The following SH3RF1 variants were observed in gnomAD, a reference collection of about 807,000 sequenced individuals.
The protein encoded by SH3RF1 is E3 ubiquitin-protein ligase SH3RF1.
SH3RF1 carries 32 observed loss-of-function variants against 74.0 expected under a neutral mutation model. That is an observed-to-expected ratio of 0.43 (90% CI 0.33 to 0.58). The LOEUF is 0.58. Ranked by LOEUF, SH3RF1 falls within the 20% of genes least tolerant of loss-of-function variation. SH3RF1 has a pLI of 0.05. For synonymous variants in SH3RF1, 396 were observed against 439.6 expected (o/e 0.90, Z 1.24); for missense variants, 954 against 1,130.9 (o/e 0.84, Z 2.24).
rs1241174314 is a variant in SH3RF1, at chr4:169,136,642, C to G, written c.766-22G>C. The G allele has an allele frequency of 3.4e-6, 5 of 1,479,418 alleles. No individual in the cohort carries two copies. In the East Asian group the frequency reaches 1.2e-4, roughly 36 times the overall value. 91.6% of individuals were successfully genotyped at this position (1,479,418 alleles called of 1,614,324 possible). A position where few individuals can be genotyped will look rare whatever the true frequency, so the allele number is the denominator to read the frequency against. On this transcript the variant is annotated intron_variant, in intron 4 of 11. Transcript: ENST00000284637. ...TAAACTGCAAAAGCAACCAACAAAC[C>G]AACACAAGAAGGTTAAACAATTCCT...
At chr4:169,225,601 T>G (rs1730644521) in intron 2 of SH3RF1, among the ~76,000 whole-genome samples, 1 of 152,156 alleles carries the variant, frequency 6.6e-6, no homozygotes, top group African/African-American at 2.4e-5. Context: ...CTGTCAAGAC[T>G]GCAGTTTCAT....
At chr4:169,164,157 C>T (rs1734193956) in intron 2 of SH3RF1, among the ~76,000 whole-genome samples, 1 of 152,140 alleles carries the variant, frequency 6.6e-6, no homozygotes, top group Admixed American at 6.5e-5. Context: ...CAGTTTATAA[C>T]CTATTTCTTC....
chr4:169,207,730 T>C (rs1278927537), intron 2 of SH3RF1, among the ~76,000 whole-genome samples: 1 of 152,214 alleles, frequency 6.6e-6, no homozygotes, highest in Non-Finnish European at 1.5e-5. Flanking sequence ...TCCCAGTCAA[T>C]CTACATCTAC....
At chr4:169,148,831 A>G (rs1733932595) in intron 4 of SH3RF1, among the ~76,000 whole-genome samples, 1 of 152,228 alleles carries the variant, frequency 6.6e-6, no homozygotes, top group Non-Finnish European at 1.5e-5. Flanking sequence ...TGAGCTTTCT[A>G]TACAGACAAA....
At position 169,127,079 on chromosome 4, in the gene SH3RF1, C is replaced by T. The variant is rs188881231; in HGVS notation, c.1179+2967G>A. On this transcript the variant is annotated intron_variant, in intron 6 of 11. Transcript: ENST00000284637. ...TATGCAGAAGATACGAGACTAAGAT[C>T]TTCAACCTCCTCCCCTACAAAGAGA... Among the ~76,000 whole-genome samples the T allele has an allele frequency of 5.9e-5, 9 of 152,248 alleles. No individual in the cohort carries two copies. In the East Asian group the frequency reaches 1.7e-3, roughly 29 times the overall value.
Position 169,122,219 on chromosome 4 carries a change from G to T in SH3RF1, c.1227C>A (p.Val409=). 1.2e-6 allele frequency: 2 copies of T among 1,612,564 alleles called. No individual in the cohort carries two copies. The highest frequency in any genetic ancestry group is 1.7e-6 in the Non-Finnish European group (2 of 1,179,306). The change falls in exon 7 of 12, where the codon GTC becomes GTA. Residue 409 remains valine, a synonymous_variant. Transcript: ENST00000284637. ...TGGCGCCTGGTGGTGTGGAGGCAAG[G>T]ACAGTGGCAGCCAGGAGAGGGGGTG... is the stretch of plus-strand genomic sequence containing the variant. ...LPPPPLLAAT[V]LASTPPGATA...
chr4:169,144,540 C>G (rs1733840391), intron 4 of SH3RF1, among the ~76,000 whole-genome samples: 1 of 152,090 alleles, frequency 6.6e-6, no homozygotes, highest in African/African-American at 2.4e-5. Context: ...AGAGACACAT[C>G]TTTTCTGACT....
intron 2 of SH3RF1, among the ~76,000 whole-genome samples, chr4:169,245,693 G>A (rs750082982): frequency 1.3e-5 from 2 of 152,144 alleles, no homozygotes; most frequent in African/African-American, 2.4e-5. Context: ...AATACAGCAA[G>A]TTCAGCTGAT....
chr4:169,209,516 A>G (rs1447089624), intron 2 of SH3RF1, among the ~76,000 whole-genome samples: 1 of 152,188 alleles, frequency 6.6e-6, no homozygotes, highest in Non-Finnish European at 1.5e-5. Context: ...CCCTACTGGA[A>G]TAACAGAGTG....
At chr4:169,130,436 T>C (rs1241022786) in intron 5 of SH3RF1, among the ~76,000 whole-genome samples, 2 of 152,232 alleles carry the variant, frequency 1.3e-5, no homozygotes, top group South Asian at 2.1e-4. Flanking sequence ...CGGTAACACA[T>C]TGCCTCATTT....
chr4:169,231,846 T>C (rs17627191), intron 2 of SH3RF1, among the ~76,000 whole-genome samples: 18,323 of 152,268 alleles, frequency 0.12, 1,158 homozygotes, highest in Middle Eastern at 0.21. Flanking sequence ...CTGTTTGACA[T>C]TAGACATTCA....
chr4:169,256,088 G>A (rs932334965), intron 2 of SH3RF1, among the ~76,000 whole-genome samples: 2 of 152,104 alleles, frequency 1.3e-5, no homozygotes, highest in Non-Finnish European at 2.9e-5. Flanking sequence ...TTAAAAATTA[G>A]GACTGCACTA....
At chr4:169,119,278 ATTTTTTTT>A (rs11397253) in intron 8 of SH3RF1, among the ~76,000 whole-genome samples, 11 of 66,410 alleles carry the variant, frequency 1.7e-4, no homozygotes, top group Non-Finnish European at 1.1e-4. Flanking sequence ...TAATTTTTGT[ATTTTTTTT>A]TTTTTTTTTT....
chr4:169,249,660 A>C (rs1347874984), intron 2 of SH3RF1, among the ~76,000 whole-genome samples: 3 of 152,174 alleles, frequency 2.0e-5, no homozygotes, highest in African/African-American at 7.2e-5. Flanking sequence ...ACAAGGATCC[A>C]ATCCCCCCGT....
intron 11 of SH3RF1, among the ~76,000 whole-genome samples, chr4:169,103,677 A>T (rs1425065310): frequency 6.6e-6 from 1 of 152,118 alleles, no homozygotes; most frequent in Non-Finnish European, 1.5e-5. Flanking sequence ...GTTACCGCAC[A>T]TTTTTCCTGT....
At chr4:169,261,460 A>C (rs893318620) in intron 2 of SH3RF1, among the ~76,000 whole-genome samples, 14 of 152,218 alleles carry the variant, frequency 9.2e-5, no homozygotes, top group African/African-American at 3.4e-4. Flanking sequence ...AGGTAAGGGA[A>C]GGAAGCATTT....
chr4:169,117,800 T>C lies in SH3RF1; in HGVS notation c.1518-18A>G, dbSNP rs370756447. On this transcript the variant is annotated intron_variant, in intron 8 of 11. Coordinates refer to ENST00000284637, the MANE Select transcript of SH3RF1 (RefSeq NM_020870.4). ...TCACCGCCCTGCCAAGACACAAACA[T>C]AGATGGAAAGCCCAGTCCATCAGCA... 2 of 1,598,940 alleles carry C rather than the reference T, an allele frequency of 1.3e-6. No individual in the cohort carries two copies. The highest frequency in any genetic ancestry group is 2.7e-5 in the African/African-American group (2 of 74,566).
At chr4:169,099,502 C>G (rs1732981631) in intron 11 of SH3RF1, among the ~76,000 whole-genome samples, 2 of 152,126 alleles carry the variant, frequency 1.3e-5, no homozygotes, top group South Asian at 4.1e-4. Flanking sequence ...CATGAAAAAG[C>G]AATGATGTAG....
intron 11 of SH3RF1, among the ~76,000 whole-genome samples, chr4:169,096,984 G>C (rs1179127704): frequency 2.0e-5 from 3 of 152,144 alleles, no homozygotes; most frequent in African/African-American, 7.2e-5. Flanking sequence ...GGCCATAAAG[G>C]AGAGTTTCAT....
Sources: allele counts gnomAD v4.1 joint callset (sites outside exome capture counted in the v4.1 genomes callset), GRCh38; gene constraint gnomAD v4.1.1; transcripts MANE v1.5; gene names NCBI Gene and HGNC (gene_info 2026-07-23, HGNC 2026-07-21).